SPATA16: variants seen among roughly 807,000 people sequenced by gnomAD.
SPATA16 encodes spermatogenesis-associated protein 16.
SPATA16 carries 36 observed loss-of-function variants against 63.3 expected under a neutral mutation model. That is an observed-to-expected ratio of 0.57 (90% confidence interval 0.44 to 0.75). The LOEUF is 0.75. SPATA16 is among the 30% of genes least tolerant of loss of function. The probability of loss-of-function intolerance (pLI) is 0.00; values close to 1 mark genes in which losing one functional copy is unlikely to be tolerated. For synonymous variants in SPATA16, 203 were observed against 216.7 expected (o/e 0.94, Z 0.56); for missense variants, 646 against 679.3 (o/e 0.95, Z 0.54).
intron 2 of SPATA16, among the ~76,000 whole-genome samples, chr3:173,057,906 A>G (rs1280910524): frequency 6.6e-6 from 1 of 152,180 alleles, no homozygotes; most frequent in Non-Finnish European, 1.5e-5. Flanking sequence ...CTTGGTCCAC[A>G]ACAGATTGGG....
chr3:173,046,368 T>A (rs1325137960), intron 3 of SPATA16, among the ~76,000 whole-genome samples: 1 of 152,012 alleles, frequency 6.6e-6, no homozygotes, highest in Non-Finnish European at 1.5e-5. Context: ...ACTATTTTAG[T>A]TTAAATGGCA....
chr3:173,112,665 A>C (rs1737776626), intron 2 of SPATA16, among the ~76,000 whole-genome samples: 1 of 152,224 alleles, frequency 6.6e-6, no homozygotes, highest in East Asian at 1.9e-4. Context: ...ACATACAAAG[A>C]GCTCCATAAA....
At chr3:173,123,819 A>G (rs1432607952) in intron 1 of SPATA16, among the ~76,000 whole-genome samples, 1 of 151,850 alleles carries the variant, frequency 6.6e-6, no homozygotes, top group Non-Finnish European at 1.5e-5. Context: ...AGCCAGGCTG[A>G]TCTTGAACTC....
At chr3:173,076,082 A>G (rs377321221) in intron 2 of SPATA16, among the ~76,000 whole-genome samples, 2 of 152,194 alleles carry the variant, frequency 1.3e-5, no homozygotes, top group African/African-American at 4.8e-5. Context: ...AATAAAAAGT[A>G]AACAAGAAGG....
chr3:172,991,776 G>T (rs1378115764), intron 4 of SPATA16, among the ~76,000 whole-genome samples: 4 of 152,264 alleles, frequency 2.6e-5, no homozygotes, highest in African/African-American at 7.2e-5. Context: ...TAGGTAAAAA[G>T]GGGACACAAG....
chr3:172,902,061 G>T (rs145329219), intron 10 of SPATA16, among the ~76,000 whole-genome samples: 15 of 152,088 alleles, frequency 9.9e-5, no homozygotes, highest in Non-Finnish European at 1.9e-4. Context: ...TTTGAGAGAC[G>T]GAGTCTTGCT....
rs1414136396 is a variant in SPATA16, at chr3:172,961,055, CT to C, written c.934-4232del. ...CTCTTTCTTTCTTTCTTTCTTCTTT[CT>C]TTCTTTCTTCTTTCTTCCTTCCTTC... On this transcript the variant is annotated intron_variant, in intron 5 of 10. Transcript: ENST00000351008. 7.1e-3 allele frequency among the ~76,000 whole-genome samples: 449 copies of C among 62,830 alleles called. 20 individuals carry two copies. Among genetic ancestry groups the C allele is most frequent in the African/African-American group, 0.026 (421 of 16,422 alleles). 41.2% of individuals were successfully genotyped at this position (62,830 alleles called of 152,430 possible). A position where few individuals can be genotyped will look rare whatever the true frequency, so the allele number is the denominator to read the frequency against.
At chr3:173,054,743 C>CT (rs915639244) in intron 2 of SPATA16, among the ~76,000 whole-genome samples, 52 of 151,080 alleles carry the variant, frequency 3.4e-4, no homozygotes, top group African/African-American at 1.1e-3. Flanking sequence ...CACATGTATC[C>CT]TTTTTTTTTA....
At position 172,956,756 on chromosome 3, in the gene SPATA16, T is replaced by A; in HGVS notation, c.1002A>T (p.Lys334Asn). The A allele has an allele frequency of 6.2e-7, 1 of 1,613,430 alleles. No homozygotes were observed. The highest frequency in any genetic ancestry group is 8.5e-7 in the Non-Finnish European group (1 of 1,179,606). Reference protein sequence around the residue: ...FSVMYTPFATKIRADKIEKVK... With the variant: ...FSVMYTPFATNIRADKIEKVK... ...CTTTTTCTATTTTATCAGCTCTTAT[T>A]TTTGTCGCAAATGGTGTGTACATAA... Residue 334 changes from lysine (K) to asparagine (N), a missense_variant, in exon 6 of 11, where the codon AAA becomes AAT. Physicochemically the swap from Lys to Asn is moderately conservative, Grantham distance 94. Transcript: ENST00000351008.
intron 6 of SPATA16, among the ~76,000 whole-genome samples, chr3:172,952,727 G>A (rs1733468746): frequency 1.3e-5 from 2 of 152,130 alleles, no homozygotes; most frequent in African/African-American, 2.4e-5. Context: ...GGATCATGAG[G>A]TCAAGAGATT....
chr3:173,060,470 G>A (rs1158043910), intron 2 of SPATA16, among the ~76,000 whole-genome samples: 5 of 152,170 alleles, frequency 3.3e-5, no homozygotes, highest in Middle Eastern at 6.8e-3. Context: ...GATGCAATAA[G>A]CAAAGAACCA....
chr3:172,978,098 C>A (rs1734206946), intron 4 of SPATA16, among the ~76,000 whole-genome samples: 1 of 151,516 alleles, frequency 6.6e-6, no homozygotes, highest in African/African-American at 2.4e-5. Flanking sequence ...GAAACAAATA[C>A]CACCAACTGG....
chr3:173,072,755 A>G (rs886316899), intron 2 of SPATA16, among the ~76,000 whole-genome samples: 3 of 152,214 alleles, frequency 2.0e-5, no homozygotes, highest in Admixed American at 6.5e-5. Context: ...AATACAGTAA[A>G]TTGGCACTGG....
chr3:172,964,000 A>G (rs926724498), intron 5 of SPATA16, among the ~76,000 whole-genome samples: 1 of 152,160 alleles, frequency 6.6e-6, no homozygotes, highest in Non-Finnish European at 1.5e-5. Context: ...TTCTGTCTCC[A>G]CAGACAGCTA....
intron 3 of SPATA16, among the ~76,000 whole-genome samples, chr3:173,021,504 A>C (rs1735330494): frequency 6.6e-6 from 1 of 152,202 alleles, no homozygotes; most frequent in Non-Finnish European, 1.5e-5. Context: ...GGTTCATTTA[A>C]TATCAAGACA....
chr3:172,983,816 C>A lies in SPATA16; in HGVS notation c.849-6764G>T, dbSNP rs551142909. Among the ~76,000 whole-genome samples the A allele has an allele frequency of 3.3e-5, 5 of 151,994 alleles. 1 individual carries two copies. The highest frequency in any genetic ancestry group is 3.4e-3 in the Middle Eastern group (1 of 294). On this transcript the variant is annotated intron_variant, in intron 4 of 10. Coordinates refer to ENST00000351008, the MANE Select transcript of SPATA16 (RefSeq NM_031955.6). The stretch of plus-strand genomic sequence containing the variant: ...GGCTCACATATTTTCCACACAGCAG[C>A]CAGTCACAATGTTCTTTCCAAAAAC...
At chr3:172,982,043 T>TC (rs1734334569) in intron 4 of SPATA16, among the ~76,000 whole-genome samples, 1 of 152,212 alleles carries the variant, frequency 6.6e-6, no homozygotes, top group Non-Finnish European at 1.5e-5. Flanking sequence ...CACTGCTGTA[T>TC]CCCCTGTGCC....
chr3:172,905,794 A>G (rs1389216284), intron 10 of SPATA16, among the ~76,000 whole-genome samples: 4 of 152,240 alleles, frequency 2.6e-5, no homozygotes, highest in Non-Finnish European at 5.9e-5. Context: ...TGTTGGATTC[A>G]TTGAAGCTTA....
intron 6 of SPATA16, among the ~76,000 whole-genome samples, chr3:172,932,706 C>A (rs1732899146): frequency 6.6e-6 from 1 of 151,994 alleles, no homozygotes; most frequent in Non-Finnish European, 1.5e-5. Context: ...ATGGTCTCTA[C>A]TTTTAAAAAC....
Sources: gnomAD v4.1 joint callset for allele counts (sites outside exome capture counted in the v4.1 genomes callset) on GRCh38, gnomAD v4.1.1 for gene constraint, MANE v1.5 for transcripts, NCBI Gene and HGNC (gene_info 2026-07-23, HGNC 2026-07-21) for gene names.